JAK1: variants seen among roughly 807,000 people sequenced by gnomAD.
The protein encoded by JAK1 is Janus kinase 1, also known as tyrosine-protein kinase JAK1.
A neutral mutation model predicts 136.6 loss-of-function variants in JAK1; 16 were observed. The observed-to-expected ratio is 0.12, with a 90% CI of 0.08 to 0.18. The LOEUF is 0.18. Among genes scored for constraint, JAK1 ranks in the 10% least tolerant of loss-of-function variants. JAK1 has a pLI of 1.00. For synonymous variants in JAK1, 492 were observed against 519.5 expected (o/e 0.95, Z 0.72); for missense variants, 859 against 1,450.1 (o/e 0.59, Z 6.62).
At chr1:65,027,587 C>T (rs908792985) in intron 2 of JAK1, among the ~76,000 whole-genome samples, 1 of 152,086 alleles carries the variant, frequency 6.6e-6, no homozygotes, top group African/African-American at 2.4e-5. Context: ...GAAGAGGGAG[C>T]TGGAGAGGGC....
chr1:64,910,572 G>A (rs1275027156), intron 1 of JAK1, among the ~76,000 whole-genome samples: 3 of 152,112 alleles, frequency 2.0e-5, no homozygotes, highest in African/African-American at 7.2e-5. Flanking sequence ...GGTGGCTCAC[G>A]CCTGGAATCC....
intron 2 of JAK1, among the ~76,000 whole-genome samples, chr1:64,976,189 A>T (rs981938301): frequency 6.6e-6 from 1 of 152,116 alleles, no homozygotes; most frequent in Non-Finnish European, 1.5e-5. Context: ...ATCCTGTAGA[A>T]TGTCATCCCA....
rs190341636 is a variant in JAK1 at position 64,953,406 on chromosome 1, C to T, written c.-78+12927G>A. Reference sequence around the variant, plus strand: ...TAAGTGGCAGAGGACAGCCTCACATCGGCTCGTCCTGGTTCCAAGTCCAGC... The same window carrying T: ...TAAGTGGCAGAGGACAGCCTCACATTGGCTCGTCCTGGTTCCAAGTCCAGC... On this transcript the variant is annotated intron_variant, in intron 1 of 24. Coordinates refer to ENST00000342505, the MANE Select transcript of JAK1 (RefSeq NM_002227.4). Among the ~76,000 whole-genome samples the T allele has an allele frequency of 1.3e-4, 20 of 152,204 alleles. No homozygotes were observed. In the East Asian group the frequency reaches 2.5e-3, roughly 19 times the overall value.
In JAK1 at chr1:64,833,619, A is replaced by C. The variant is rs1413252359; in HGVS notation, c.*943T>G. ...GTGATGATTGATGGTAAAAACAGGG[A>C]TCAACCCTTGTAGATCGGTGGTAAG... On this transcript the variant is annotated 3_prime_UTR_variant, in exon 25 of 25. Transcript: ENST00000342505. The C allele has an allele frequency of 4.3e-6, 1 of 232,958 alleles. No homozygotes were observed. The highest frequency in any genetic ancestry group is 8.5e-6 in the Non-Finnish European group (1 of 117,912). 14.4% of individuals were successfully genotyped at this position (232,958 alleles called of 1,614,324 possible). A position where few individuals can be genotyped will look rare whatever the true frequency, so the allele number is the denominator to read the frequency against.
At position 64,963,526 on chromosome 1, in the gene JAK1, C is replaced by T. The variant is rs116770541; in HGVS notation, c.-78+2807G>A. On this transcript the variant is annotated intron_variant, in intron 1 of 24. Coordinates refer to ENST00000342505, the MANE Select transcript of JAK1 (RefSeq NM_002227.4). The stretch of plus-strand genomic sequence containing the variant: ...TCGATAATATCAAACCATCCACAGG[C>T]GGCTTTTTACTCAACATATTGCCTT... 2.5e-3 allele frequency among the ~76,000 whole-genome samples: 373 copies of T among 152,232 alleles called. 3 individuals are homozygous for T. The highest frequency in any genetic ancestry group is 4.4e-3 in the African/African-American group (183 of 41,534).
intron 13 of JAK1, 120 bp from the exon 14 acceptor site, chr1:64,846,856 G>A (rs1655269152): frequency 1.4e-6 from 1 of 703,044 alleles, no homozygotes; most frequent in Non-Finnish European, 2.5e-6. Flanking sequence ...GCCACCCCAG[G>A]CCCTGAACAT....
chr1:64,921,163 T>C (rs1383453799), intron 1 of JAK1, among the ~76,000 whole-genome samples: 1 of 152,138 alleles, frequency 6.6e-6, no homozygotes. Context: ...TCCTTTATCA[T>C]TTCATCTTCT....
At chr1:64,902,612 T>TGTTATG (rs1645128709) in intron 1 of JAK1, among the ~76,000 whole-genome samples, 1 of 26,078 alleles carries the variant, frequency 3.8e-5, no homozygotes, top group African/African-American at 1.2e-4. Flanking sequence ...GTGTGTGTGT[T>TGTTATG]ATGGCATGTT....
At chr1:64,994,583 C>T (rs886660556) in intron 2 of JAK1, among the ~76,000 whole-genome samples, 9 of 152,126 alleles carry the variant, frequency 5.9e-5, no homozygotes, top group African/African-American at 2.2e-4. Flanking sequence ...CAGTATTAAT[C>T]TATTCTTGAG....
At chr1:65,042,320 A>AGT (rs1397561666) in intron 2 of JAK1, among the ~76,000 whole-genome samples, 2 of 152,068 alleles carry the variant, frequency 1.3e-5, no homozygotes, top group Non-Finnish European at 2.9e-5. Context: ...GGGAATCCTG[A>AGT]ACCAATCTCC....
chr1:64,844,627 C>G lies in JAK1; in HGVS notation c.2251+127G>C. ...ACCATCCTGGCCAACATGGTGAAAC[C>G]CCGTCTCTACTAAAATACAAAAAAA... On this transcript the variant is annotated intron_variant, in intron 16 of 24. Coordinates refer to ENST00000342505, the MANE Select transcript of JAK1 (RefSeq NM_002227.4). The surrounding 1 kb of genome is among the most constrained non-coding windows in gnomAD (Gnocchi z 5.7). The G allele has an allele frequency of 9.1e-7, 1 of 1,103,516 alleles. No homozygotes were observed. 68.4% of individuals were successfully genotyped at this position (1,103,516 alleles called of 1,614,324 possible).
intron 1 of JAK1, among the ~76,000 whole-genome samples, chr1:64,939,605 T>C (rs1645852103): frequency 6.6e-6 from 1 of 152,240 alleles, no homozygotes; most frequent in Admixed American, 6.5e-5. Flanking sequence ...AAAAGAGTTG[T>C]TCAAGGATTA....
upstream of JAK1, among the ~76,000 whole-genome samples, chr1:64,970,160 C>T (rs1412614754): frequency 2.1e-4 from 8 of 37,456 alleles, no homozygotes; most frequent in Admixed American, 5.4e-4. Flanking sequence ...AAAAAACGGC[C>T]GGGCACAGTG....
chr1:64,899,503 C>G (rs1279695019), intron 1 of JAK1, among the ~76,000 whole-genome samples: 1 of 152,140 alleles, frequency 6.6e-6, no homozygotes, highest in Non-Finnish European at 1.5e-5. Flanking sequence ...CCTCCCTCCT[C>G]CCAGAGATAG....
chr1:65,025,537 G>C (rs185844505), intron 2 of JAK1, among the ~76,000 whole-genome samples: 1 of 152,294 alleles, frequency 6.6e-6, no homozygotes, highest in East Asian at 1.9e-4. Context: ...CAAGAGAATA[G>C]TTAGCCAGCA....
intron 11 of JAK1, among the ~76,000 whole-genome samples, chr1:64,852,296 T>C (rs1419378105): frequency 3.3e-5 from 5 of 152,210 alleles, no homozygotes; most frequent in Non-Finnish European, 7.3e-5. Context: ...TTCGTAATCT[T>C]AGGATTCACA....
intron 1 of JAK1, among the ~76,000 whole-genome samples, chr1:64,908,380 C>T (rs894817454): frequency 6.6e-6 from 1 of 152,286 alleles, no homozygotes; most frequent in Admixed American, 6.5e-5. Flanking sequence ...CCACCATTTC[C>T]ACTTGTGCCA....
At chr1:64,902,592 G>GTGTGTA (rs1645128139) in intron 1 of JAK1, among the ~76,000 whole-genome samples, 1 of 151,060 alleles carries the variant, frequency 6.6e-6, no homozygotes, top group African/African-American at 2.4e-5. Flanking sequence ...GAGTGTGTGT[G>GTGTGTA]TGTGTGTGTG....
intron 1 of JAK1, among the ~76,000 whole-genome samples, chr1:64,889,802 G>A (rs1308741689): frequency 2.0e-5 from 3 of 152,162 alleles, no homozygotes; most frequent in Admixed American, 6.5e-5. Flanking sequence ...TTTGGATAGT[G>A]GACAAGGAAA....
Sources: allele counts gnomAD v4.1 joint callset (sites outside exome capture counted in the v4.1 genomes callset), GRCh38; gene constraint gnomAD v4.1.1; non-coding constraint Gnocchi (gnomAD v3.1); transcripts MANE v1.5; gene names NCBI Gene and HGNC (gene_info 2026-07-23, HGNC 2026-07-21).